Variants in CELF2 observed in about 807,000 individuals in gnomAD.
The protein encoded by CELF2 is CUG triplet repeat RNA-binding protein 2.
CELF2 carries 8 observed loss-of-function variants against 62.6 expected under a neutral mutation model. The ratio of observed to expected loss-of-function variants is 0.13; its 90% CI spans 0.07 to 0.23. CELF2 has a LOEUF of 0.23. Among genes scored for constraint, CELF2 ranks in the 10% least tolerant of loss-of-function variants. The pLI is 1.00. For missense variants in CELF2, 333 were observed against 671.0 expected, an observed-to-expected ratio of 0.50 and a Z score of 5.56; for synonymous variants, 258 against 250.0, an observed-to-expected ratio of 1.03 and a Z score of -0.30.
intron 1 of CELF2, among the ~76,000 whole-genome samples, chr10:10,883,998 C>T (rs2061600353): frequency 6.6e-6 from 1 of 151,934 alleles, no homozygotes; most frequent in Admixed American, 6.6e-5. Flanking sequence ...TCTTCCTTCT[C>T]CTCCCCTCCC....
chr10:10,560,468 G>A, the CELF2 span, among the ~76,000 whole-genome samples: 18 of 152,092 alleles, frequency 1.2e-4, no homozygotes, highest in African/African-American at 4.3e-4. Flanking sequence ...CAGGATGAGG[G>A]GTAATATTCT....
chr10:10,552,801 C>T, the CELF2 span, among the ~76,000 whole-genome samples: 3 of 152,168 alleles, frequency 2.0e-5, no homozygotes, highest in African/African-American at 4.8e-5. Context: ...ATCTTAACTT[C>T]GGCTGCTATA....
chr10:10,781,805 A>G, the CELF2 span, among the ~76,000 whole-genome samples: 4 of 152,138 alleles, frequency 2.6e-5, no homozygotes, highest in East Asian at 7.7e-4. Context: ...CTCAGAACAT[A>G]TCCCCATTGT....
At chr10:11,283,069 A>G (rs145595318) in intron 8 of CELF2, among the ~76,000 whole-genome samples, 37 of 152,328 alleles carry the variant, frequency 2.4e-4, no homozygotes, top group African/African-American at 7.2e-4. Context: ...CACCTGGCTT[A>G]TGAGCACGCA....
At chr10:10,773,176 G>A in the CELF2 span, among the ~76,000 whole-genome samples, 2 of 152,218 alleles carry the variant, frequency 1.3e-5, no homozygotes, top group South Asian at 2.1e-4. Flanking sequence ...TATGAAACGG[G>A]AGGGAAAAAT....
rs543108464 is a variant in CELF2, at chr10:11,012,487, C to T, written c.53+7047C>T. Among the ~76,000 whole-genome samples, 26 of 152,178 alleles carry T rather than the reference C, an allele frequency of 1.7e-4. No homozygotes were observed. The highest frequency in any genetic ancestry group is 3.2e-4 in the Non-Finnish European group (22 of 68,030). On this transcript the variant is annotated intron_variant, in intron 1 of 12. Transcript: ENST00000416382. This position sits in a 1 kb window ranked among gnomAD's most constrained non-coding sequence, Gnocchi z 5.5. ...AGAGAATTTGATTCCTGCCAAGATC[C>T]GTCTCAGACAACCCCACCCTCAAGC...
Position 10,846,749 on chromosome 10 carries a change from C to A in CELF2, c.53+47932C>A, listed in dbSNP as rs1357863827. ...TGCAGCTATGCCTGCAAGCAGAGTG[C>A]AGCACATCTGAATCTTGAAATCGAG... On this transcript the variant is annotated intron_variant, in intron 1 of 13. Transcript: ENST00000636488. 3.9e-5 allele frequency among the ~76,000 whole-genome samples: 6 copies of A among 152,216 alleles called. No homozygotes were observed. The East Asian group carries it at 1.2e-3, about 29-fold the overall frequency.
chr10:10,953,669 C>A (rs900456725), intron 2 of CELF2, among the ~76,000 whole-genome samples: 1 of 152,054 alleles, frequency 6.6e-6, no homozygotes, highest in Non-Finnish European at 1.5e-5. Flanking sequence ...TGGGAGAATT[C>A]TTTCATGATA....
the CELF2 span, among the ~76,000 whole-genome samples, chr10:10,745,807 G>A: frequency 6.6e-6 from 1 of 152,166 alleles, no homozygotes; most frequent in African/African-American, 2.4e-5. Flanking sequence ...TCATATCACC[G>A]TTGGGAATTT....
At chr10:10,874,817 A>G (rs921248397) in intron 1 of CELF2, among the ~76,000 whole-genome samples, 5 of 152,224 alleles carry the variant, frequency 3.3e-5, no homozygotes, top group Non-Finnish European at 5.9e-5. Context: ...TGACACAAGC[A>G]TTTCAATACC....
the CELF2 span, among the ~76,000 whole-genome samples, chr10:10,746,892 G>T: frequency 6.6e-6 from 1 of 152,146 alleles, no homozygotes; most frequent in Non-Finnish European, 1.5e-5. Flanking sequence ...GTTTTCCAAA[G>T]CATCACCTTT....
In CELF2 at chr10:10,986,452, C is replaced by T. The variant is rs142910151; in HGVS notation, c.89+66453C>T. ...TGTGGGTTTTCATATGAGATAAATG[C>T]GTTACATTAAAGGTGAAAACGTGTG... On this transcript the variant is annotated intron_variant, in intron 2 of 13. Transcript: ENST00000636488. Among the ~76,000 whole-genome samples the T allele has an allele frequency of 9.5e-4, 144 of 152,070 alleles. 2 individuals are homozygous for T. Among genetic ancestry groups the T allele is most frequent in the Non-Finnish European group, 1.6e-3 (107 of 67,982 alleles).
rs958835097 is a variant in CELF2 at position 11,267,619 on chromosome 10, A to T, written c.618+942A>T. 6.6e-6 allele frequency among the ~76,000 whole-genome samples: 1 copy of T among 152,164 alleles called. No homozygotes were observed. The highest frequency in any genetic ancestry group is 1.5e-5 in the Non-Finnish European group (1 of 68,032). ...ATATTTTCAATTTTATTTAATATGC[A>T]AAAAACTTTTTTCTTGATTGAGCTT... On this transcript the variant is annotated intron_variant, in intron 6 of 12. Transcript: ENST00000633077. This position sits in a 1 kb window ranked among gnomAD's most constrained non-coding sequence, Gnocchi z 4.4.
In CELF2 at chr10:11,110,493, G is replaced by C. The variant is rs914341719; in HGVS notation, c.75-54993G>C. On this transcript the variant is annotated intron_variant, in intron 1 of 12. Transcript: ENST00000633077. The surrounding 1 kb of genome is among the most constrained non-coding windows in gnomAD (Gnocchi z 4.0). ...AAGCTTCTGCTTATTTTTCTGCTTC[G>C]TCTAAACACTGCTAGATTGATGAAA... Among the ~76,000 whole-genome samples, 1 of 152,078 alleles carries C rather than the reference G, an allele frequency of 6.6e-6. No individual in the cohort carries two copies.
At chr10:11,126,396 G>A (rs1044772693) in intron 1 of CELF2, among the ~76,000 whole-genome samples, 2 of 152,144 alleles carry the variant, frequency 1.3e-5, no homozygotes, top group Non-Finnish European at 2.9e-5. Context: ...ATAGTATTAA[G>A]CAAACTAGGA....
chr10:10,520,033 G>T, the CELF2 span, among the ~76,000 whole-genome samples: 1 of 152,170 alleles, frequency 6.6e-6, no homozygotes, highest in Non-Finnish European at 1.5e-5. Flanking sequence ...CCTGACCTCA[G>T]TGTTCCATCT....
intron 1 of CELF2, among the ~76,000 whole-genome samples, chr10:10,869,443 T>C (rs889607372): frequency 3.3e-5 from 5 of 151,996 alleles, no homozygotes; most frequent in African/African-American, 1.2e-4. Flanking sequence ...ACGCCCGTAA[T>C]CCCAGCTACT....
rs1263479956 is a variant in CELF2, at chr10:10,980,652, A to G, written c.89+60653A>G. On this transcript the variant is annotated intron_variant, in intron 2 of 13. Coordinates refer to the CELF2 transcript ENST00000636488. ...CTGGGATGCATTTCTGAGGACTCACATGATCTCCTAACGGTCTCTCGCACC... is the reference window on the plus strand; with the variant it reads ...CTGGGATGCATTTCTGAGGACTCACGTGATCTCCTAACGGTCTCTCGCACC... Among the ~76,000 whole-genome samples, 5 of 152,356 alleles carry G rather than the reference A, an allele frequency of 3.3e-5. No homozygotes were observed. The South Asian group carries it at 1.0e-3, about 32-fold the overall frequency.
chr10:10,677,453 T>G, the CELF2 span, among the ~76,000 whole-genome samples: 3 of 152,214 alleles, frequency 2.0e-5, no homozygotes, highest in African/African-American at 7.2e-5. Flanking sequence ...TCTCTAAGAT[T>G]CTCTGAGACG....
Sources: gnomAD v4.1 joint callset for allele counts (sites outside exome capture counted in the v4.1 genomes callset) on GRCh38, gnomAD v4.1.1 for gene constraint, Gnocchi (gnomAD v3.1) non-coding constraint, MANE v1.5 for transcripts, NCBI Gene and HGNC (gene_info 2026-07-23, HGNC 2026-07-21) for gene names.